Variants in MRPS31 observed in about 807,000 individuals in gnomAD.
MRPS31 encodes the protein mitochondrial ribosomal protein S31.
Under a neutral mutation model 43.1 loss-of-function variants are expected in MRPS31, and 32 were observed. That is an observed-to-expected ratio of 0.74 (90% CI 0.56 to 1.00). The LOEUF (loss-of-function observed/expected upper bound fraction) is 1.00, where lower values mean the gene tolerates loss of function less well. Ranked by LOEUF, MRPS31 falls within the 50% of genes least tolerant of loss-of-function variation. The pLI is 0.00. For missense variants in MRPS31, 437 were observed against 466.7 expected (o/e 0.94, Z 0.59); for synonymous variants, 165 against 161.6 (o/e 1.02, Z -0.16).
chr13:40,729,562 AAT>A lies in MRPS31; in HGVS notation c.996_997del (p.Phe333SerfsTer32). ...AAAGCTCTCCAGGTGTTTCTCCAGA[AAT>A]ATATGTTCATGAAATTCTGAACCAT... On this transcript the variant is annotated frameshift_variant, in exon 7 of 7. Transcript: ENST00000323563. LOFTEE classifies it high-confidence loss of function. The A allele has an allele frequency of 6.2e-7, 1 of 1,613,994 alleles. No homozygotes were observed. Among genetic ancestry groups the A allele is most frequent in the Non-Finnish European group, 8.5e-7 (1 of 1,179,906 alleles).
rs768272050 is a variant in MRPS31 at position 40,729,493 on chromosome 13, C to T, written c.1067G>A (p.Cys356Tyr). The change falls in exon 7 of 7, where the codon TGT (cysteine) becomes TAT (tyrosine). Residue 356 changes from cysteine to tyrosine, a missense_variant. Transcript: ENST00000323563. ...AAGATATGGGTTTTTGGAAAGGCCA[C>T]AAGTCACCAGCTCCATGAAGTGGCG... ...PIRHFMELVT[C>Y]GLSKNPYLSV... 6.2e-7 allele frequency: 1 copy of T among 1,613,968 alleles called. No individual in the cohort carries two copies. Among genetic ancestry groups the T allele is most frequent in the South Asian group, 1.1e-5 (1 of 91,078 alleles).
intron 6 of MRPS31, among the ~76,000 whole-genome samples, chr13:40,742,223 A>C (rs539833541): frequency 1.3e-5 from 2 of 152,220 alleles, no homozygotes; most frequent in Non-Finnish European, 2.9e-5. Context: ...AACATTAAAC[A>C]TAAGGAGGAA....
At chr13:40,763,722 A>G (rs989920743) in intron 2 of MRPS31, among the ~76,000 whole-genome samples, 1 of 152,192 alleles carries the variant, frequency 6.6e-6, no homozygotes, top group Non-Finnish European at 1.5e-5. Context: ...CCTGAAAACC[A>G]GGGGAAACTT....
intron 6 of MRPS31, among the ~76,000 whole-genome samples, chr13:40,741,888 TACACACACACACACACACACACACAC>T (rs61011673): frequency 1.4e-5 from 2 of 140,758 alleles, no homozygotes; most frequent in Admixed American, 1.4e-4. Flanking sequence ...AGTAACAAAA[TACACACACACACACACACACACACAC>T]ACACACACAC....
rs745605839 is a variant in MRPS31, at chr13:40,749,215, A to G, written c.881T>C (p.Leu294Pro). 6.2e-7 allele frequency: 1 copy of G among 1,602,048 alleles called. No homozygotes were observed. The highest frequency in any genetic ancestry group is 8.5e-7 in the Non-Finnish European group (1 of 1,177,500). ...GATCAGCTCTTCAAATCCATTCTGA[A>G]GGGGTTGTTCATTTACTGTGGCTAA... ...KQLATVNEQP[L>P]QNGFEELIQW... Residue 294 changes from leucine (L) to proline (P), a missense_variant, in exon 6 of 7, where the codon CTT (leucine) becomes CCT (proline). Leu to Pro is a moderately conservative substitution (Grantham distance 98, BLOSUM62 -3). Coordinates refer to ENST00000323563, the MANE Select transcript of MRPS31 (RefSeq NM_005830.4).
chr13:40,762,823 T>C (rs1025647868), intron 2 of MRPS31, among the ~76,000 whole-genome samples: 1 of 141,784 alleles, frequency 7.1e-6, no homozygotes, highest in Non-Finnish European at 1.5e-5. Flanking sequence ...TGTGTGTGTG[T>C]GTGTGTGTGT....
chr13:40,735,337 G>A (rs1217429297), intron 6 of MRPS31, among the ~76,000 whole-genome samples: 2 of 152,208 alleles, frequency 1.3e-5, no homozygotes, highest in South Asian at 2.1e-4. Context: ...ACTGCAAGGC[G>A]GCAGTGAGGC....
At position 40,756,033 on chromosome 13, in the gene MRPS31, G is replaced by A. The variant is rs199856723; in HGVS notation, c.740+840C>T. 9.9e-5 allele frequency among the ~76,000 whole-genome samples: 15 copies of A among 152,010 alleles called. No individual in the cohort carries two copies. In the East Asian group the frequency reaches 2.5e-3, roughly 25 times the overall value. ...AGTCACCATAACCTCTTGAACTTCC[G>A]GTGTTAACTGCTGACCACCTTTTCC... On this transcript the variant is annotated intron_variant, in intron 4 of 6. Coordinates refer to ENST00000323563, the MANE Select transcript of MRPS31 (RefSeq NM_005830.4).
intron 2 of MRPS31, among the ~76,000 whole-genome samples, chr13:40,765,108 A>G (rs1345538728): frequency 3.3e-5 from 5 of 152,192 alleles, no homozygotes. Flanking sequence ...ACACCTTTTT[A>G]AAACTCAAAA....
intron 6 of MRPS31, among the ~76,000 whole-genome samples, chr13:40,733,041 G>A (rs1879752802): frequency 2.9e-5 from 2 of 69,824 alleles, no homozygotes; most frequent in Non-Finnish European, 5.0e-5. Flanking sequence ...TTTCACTCTT[G>A]TTGCCCAGCT....
At chr13:40,754,571 AATT>A (rs1412036304) in intron 4 of MRPS31, among the ~76,000 whole-genome samples, 1 of 152,242 alleles carries the variant, frequency 6.6e-6, no homozygotes, top group Non-Finnish European at 1.5e-5. Flanking sequence ...ATTTTAAAAT[AATT>A]ATTAACTTTC....
In MRPS31 at chr13:40,771,105, A is replaced by G; in HGVS notation, c.32T>C (p.Leu11Pro). Residue 11 changes from leucine to proline, a missense_variant, in exon 1 of 7, where the codon CTT (leucine) becomes CCT (proline). Leu to Pro is a moderately conservative substitution (Grantham distance 98). Coordinates refer to ENST00000323563, the MANE Select transcript of MRPS31 (RefSeq NM_005830.4). MFPRVSTFLP[L>P]RPLSRHPLSS... The stretch of plus-strand genomic sequence containing the variant: ...CAAAGGGTGGCGGGAAAGGGGGCGA[A>G]GAGGTAGGAACGTCGAGACTCTAGG... 2 of 1,613,562 alleles carry G rather than the reference A, an allele frequency of 1.2e-6. No homozygotes were observed. Among genetic ancestry groups the G allele is most frequent in the Non-Finnish European group, 1.7e-6 (2 of 1,179,698 alleles).
At chr13:40,730,045 C>G (rs1879634121) in intron 6 of MRPS31, among the ~76,000 whole-genome samples, 1 of 151,524 alleles carries the variant, frequency 6.6e-6, no homozygotes, top group Non-Finnish European at 1.5e-5. Context: ...TTAGATCTAA[C>G]TTTGCCCACC....
chr13:40,770,457 T>C (rs549488496), intron 1 of MRPS31, among the ~76,000 whole-genome samples: 3 of 152,354 alleles, frequency 2.0e-5, no homozygotes, highest in South Asian at 2.1e-4. Context: ...CTATAATGGT[T>C]AGGTGTCCCT....
chr13:40,737,316 T>G (rs1879944246), intron 6 of MRPS31, among the ~76,000 whole-genome samples: 2 of 151,950 alleles, frequency 1.3e-5, no homozygotes, highest in Admixed American at 6.6e-5. Flanking sequence ...GACTTAAGAC[T>G]CCCACACATT....
Position 40,766,946 on chromosome 13 carries a change from A to G in MRPS31, c.240T>C (p.Thr80=). The G allele has an allele frequency of 6.2e-7, 1 of 1,614,114 alleles. No individual in the cohort carries two copies. Among genetic ancestry groups the G allele is most frequent in the Non-Finnish European group, 8.5e-7 (1 of 1,180,018 alleles). Residue 80 remains threonine (T), a synonymous_variant, in exon 2 of 7, where the codon ACT becomes ACC. Coordinates refer to ENST00000323563, the MANE Select transcript of MRPS31 (RefSeq NM_005830.4). The part of the protein sequence containing the change: ...KDKQSVRTEE[T]SKETSESQDS... ...CTTGGCTCTCTGAAGTCTCCTTGGA[A>G]GTCTCCTCAGTTCGAACAGACTGCT...
At chr13:40,745,861 A>G (rs767779802) in intron 6 of MRPS31, among the ~76,000 whole-genome samples, 5 of 152,326 alleles carry the variant, frequency 3.3e-5, no homozygotes, top group Admixed American at 6.5e-5. Context: ...AGGCTAAAAT[A>G]AAAATGTATC....
chr13:40,730,260 C>T (rs556942348), intron 6 of MRPS31, among the ~76,000 whole-genome samples: 61 of 151,894 alleles, frequency 4.0e-4, no homozygotes, highest in African/African-American at 1.1e-3. Context: ...TGGTGGCTCA[C>T]GCCTATAATC....
chr13:40,755,755 C>A (rs1189364339), intron 4 of MRPS31, among the ~76,000 whole-genome samples: 1 of 152,146 alleles, frequency 6.6e-6, no homozygotes, highest in African/African-American at 2.4e-5. Flanking sequence ...CACAGAAAAC[C>A]CTTTCCTACT....
Sources: allele counts gnomAD v4.1 joint callset (sites outside exome capture counted in the v4.1 genomes callset), GRCh38; gene constraint gnomAD v4.1.1; transcripts MANE v1.5; gene names NCBI Gene and HGNC (gene_info 2026-07-23, HGNC 2026-07-21).